The following XRCC1 variants were observed in gnomAD, a reference collection of about 807,000 sequenced individuals.
XRCC1 encodes DNA repair protein XRCC1.
A neutral mutation model predicts 83.3 loss-of-function variants in XRCC1; 52 were observed. That is an observed-to-expected ratio of 0.62 (90% CI 0.50 to 0.79). The LOEUF (loss-of-function observed/expected upper bound fraction) is 0.79. XRCC1 is among the 30% of genes least tolerant of loss of function. The pLI, the probability that XRCC1 is intolerant of heterozygous loss-of-function variation, is 0.00. For synonymous variants in XRCC1, 281 were observed against 312.6 expected (o/e 0.90, Z 1.07); for missense variants, 793 against 823.5 (o/e 0.96, Z 0.45).
intron 2 of XRCC1, chr19:43,574,627 GGC>G (rs1055020301): frequency 7.4e-6 from 3 of 403,104 alleles, no homozygotes; most frequent in African/African-American, 6.0e-5. Flanking sequence ...CAGAGTACGT[GGC>G]AATGATTCAT....
Position 43,551,691 on chromosome 19 carries a change from G to A in XRCC1, c.1083-4C>T, listed in dbSNP as rs201185839. The A allele has an allele frequency of 1.2e-6, 2 of 1,612,836 alleles. No individual in the cohort carries two copies. The highest frequency in any genetic ancestry group is 1.7e-6 in the Non-Finnish European group (2 of 1,178,924). Reference sequence around the variant, plus strand: ...GGGGGTGTTGGCAAAGGCACAGCTGGTGGGGGGCAGAAGTGAAGATGCCAG... The same window carrying A: ...GGGGGTGTTGGCAAAGGCACAGCTGATGGGGGGCAGAAGTGAAGATGCCAG... On this transcript the variant is annotated splice_polypyrimidine_tract_variant and splice_region_variant and intron_variant, in intron 9 of 16. Transcript: ENST00000262887.
Position 43,560,944 on chromosome 19 carries a change from C to T in XRCC1, c.221G>A (p.Ser74Asn). Reference sequence around the variant, plus strand: ...TTGCTCCCCAGCGCCTCCAGCTGAACTGCCCACCAGCACCTCCACGAAAGC... The same window carrying T: ...TTGCTCCCCAGCGCCTCCAGCTGAATTGCCCACCAGCACCTCCACGAAAGC... ...GSAFVEVLVG[S>N]SAGGAGEQDY... Residue 74 changes from serine to asparagine, a missense_variant, in exon 3 of 17, where the codon AGT becomes AAT. Physicochemically the swap from Ser to Asn is conservative, Grantham distance 46 (BLOSUM62 1). Transcript: ENST00000262887. 6.2e-7 allele frequency: 1 copy of T among 1,614,206 alleles called. No homozygotes were observed. Among genetic ancestry groups the T allele is most frequent in the Non-Finnish European group, 8.5e-7 (1 of 1,180,024 alleles).
chr19:43,546,859 C>A, intron 11 of XRCC1, 25 bp downstream of exon 11: 1 of 1,612,602 alleles, frequency 6.2e-7, no homozygotes. Flanking sequence ...CTACACCCTC[C>A]CCCACTGGAC....
chr19:43,564,711 CG>C (rs574995967), intron 2 of XRCC1, among the ~76,000 whole-genome samples: 5 of 151,310 alleles, frequency 3.3e-5, no homozygotes, highest in African/African-American at 4.9e-5. Context: ...TTGCTTAAAC[CG>C]GGGGGGCGGA....
chr19:43,550,186 C>T (rs980292992), intron 10 of XRCC1, among the ~76,000 whole-genome samples: 2 of 152,028 alleles, frequency 1.3e-5, no homozygotes, highest in African/African-American at 2.4e-5. Context: ...GGCTGGCATA[C>T]AGATTGTTAC....
chr19:43,548,327 T>C (rs1972539044), intron 10 of XRCC1, among the ~76,000 whole-genome samples: 1 of 152,068 alleles, frequency 6.6e-6, no homozygotes, highest in African/African-American at 2.4e-5. Flanking sequence ...TTTTGTGGAA[T>C]AGAAAAGGGG....
At chr19:43,554,625 C>G (rs749005720) in intron 4 of XRCC1, 21 bp downstream of exon 4, 1 of 1,599,552 alleles carries the variant, frequency 6.3e-7, no homozygotes, top group East Asian at 2.2e-5. Flanking sequence ...GACTCTGCAC[C>G]CTGGCTCCCA....
At chr19:43,544,837 G>A (rs1464135236) in intron 14 of XRCC1, among the ~76,000 whole-genome samples, 1 of 139,450 alleles carries the variant, frequency 7.2e-6, no homozygotes, top group African/African-American at 2.6e-5. Flanking sequence ...TGTAAAGGCG[G>A]GGGTCGGGGG....
chr19:43,558,132 GA>G (rs1186896392), intron 3 of XRCC1, among the ~76,000 whole-genome samples: 1 of 152,126 alleles, frequency 6.6e-6, no homozygotes, highest in Non-Finnish European at 1.5e-5. Context: ...TGCCATCTGT[GA>G]AAAAAGATAG....
chr19:43,561,066 G>C, intron 2 of XRCC1, 46 bp from the exon 3 acceptor site: 1 of 1,487,510 alleles, frequency 6.7e-7, no homozygotes, highest in Non-Finnish European at 9.4e-7. Flanking sequence ...CTCTGCCTCT[G>C]GGCTCACTGT....
rs985979775 is a variant in XRCC1 at position 43,565,048 on chromosome 19, C to G, written c.145-4028G>C. Among the ~76,000 whole-genome samples, 3 of 152,152 alleles carry G rather than the reference C, an allele frequency of 2.0e-5. No individual in the cohort carries two copies. In the East Asian group the frequency reaches 5.8e-4, roughly 29 times the overall value. ...CCAGGCTCTGCTTGCATCTTCACAG[C>G]TCTGGTTCCAGCTCTCTTGCCTCCC... On this transcript the variant is annotated intron_variant, in intron 2 of 16. Coordinates refer to ENST00000262887, the MANE Select transcript of XRCC1 (RefSeq NM_006297.3).
chr19:43,551,106 T>C (rs556592247), intron 10 of XRCC1, among the ~76,000 whole-genome samples: 136 of 152,306 alleles, frequency 8.9e-4, no homozygotes, highest in Middle Eastern at 6.8e-3. Context: ...TAACTGGGAT[T>C]ACAGGCGTGC....
At chr19:43,564,614 C>T (rs1182404476) in intron 2 of XRCC1, among the ~76,000 whole-genome samples, 1 of 152,046 alleles carries the variant, frequency 6.6e-6, no homozygotes, top group African/African-American at 2.4e-5. Flanking sequence ...AATGCAGAAA[C>T]TCCGTCTCTA....
intron 1 of XRCC1, 82 bp downstream of exon 1, chr19:43,575,326 A>G: frequency 7.0e-7 from 1 of 1,438,644 alleles, no homozygotes; most frequent in East Asian, 2.3e-5. Context: ...TTAGACTTCC[A>G]AGAGAACCCC....
intron 10 of XRCC1, among the ~76,000 whole-genome samples, chr19:43,550,296 A>C (rs1303251104): frequency 6.8e-6 from 1 of 147,996 alleles, no homozygotes; most frequent in Non-Finnish European, 1.5e-5. Context: ...AAAAAAAAAA[A>C]GTCCGCAAAT....
chr19:43,560,814 GCC>G, intron 3 of XRCC1, 94 bp downstream of exon 3: 1 of 998,836 alleles, frequency 1.0e-6, no homozygotes. Context: ...ACTCACATCT[GCC>G]CCATGTCTTC....
intron 10 of XRCC1, among the ~76,000 whole-genome samples, chr19:43,547,641 C>G (rs931772149): frequency 6.6e-6 from 1 of 152,010 alleles, no homozygotes; most frequent in African/African-American, 2.4e-5. Flanking sequence ...GCCACCACGC[C>G]TGGCTAATTT....
rs2146049338 is a variant in XRCC1 at position 43,551,706 on chromosome 19, G to A, written c.1083-19C>T. On this transcript the variant is annotated intron_variant, in intron 9 of 16. Coordinates refer to ENST00000262887, the MANE Select transcript of XRCC1 (RefSeq NM_006297.3). ...GGCACAGCTGGTGGGGGGCAGAAGT[G>A]AAGATGCCAGTTAGGTGTGATCTGA... 1 of 1,594,818 alleles carries A rather than the reference G, an allele frequency of 6.3e-7. No individual in the cohort carries two copies. Among genetic ancestry groups the A allele is most frequent in the Non-Finnish European group, 8.6e-7 (1 of 1,162,650 alleles).
rs1290095675 is a variant in XRCC1 at position 43,547,050 on chromosome 19, T to C, written c.1200-73A>G. ...GAGGGCGTTCAGGAGGCAACAGCCATTGGCATTTACTAAAATACTCACTCT... is the reference window on the plus strand; with the variant it reads ...GAGGGCGTTCAGGAGGCAACAGCCACTGGCATTTACTAAAATACTCACTCT... On this transcript the variant is annotated intron_variant, in intron 10 of 16. Transcript: ENST00000262887. The C allele has an allele frequency of 1.7e-5, 25 of 1,437,460 alleles. No homozygotes were observed. In the Middle Eastern group the frequency reaches 7.7e-4, roughly 44 times the overall value. The allele number at this position is 1,437,460 out of a possible 1,614,324, so 89.0% of individuals were successfully genotyped here. A position where few individuals can be genotyped will look rare whatever the true frequency, so the allele number is the denominator to read the frequency against.
Sources: allele counts gnomAD v4.1 joint callset (sites outside exome capture counted in the v4.1 genomes callset), GRCh38; gene constraint gnomAD v4.1.1; transcripts MANE v1.5; gene names NCBI Gene and HGNC (gene_info 2026-07-23, HGNC 2026-07-21).